Variants in PHACTR1 observed in about 807,000 individuals in gnomAD.
PHACTR1 encodes RPEL repeat containing 1.
Under a neutral mutation model 69.2 loss-of-function variants are expected in PHACTR1, and 16 were observed. The observed-to-expected ratio is 0.23, with a 90% confidence interval of 0.16 to 0.35. PHACTR1 has a LOEUF of 0.35. PHACTR1 is among the 10% of genes least tolerant of loss of function. The pLI is 1.00. For synonymous variants in PHACTR1, 312 were observed against 284.5 expected (o/e 1.10, Z -0.97); for missense variants, 510 against 734.7 (o/e 0.69, Z 3.54).
At chr6:13,034,244 C>T (rs1802937467) in intron 4 of PHACTR1, among the ~76,000 whole-genome samples, 2 of 151,976 alleles carry the variant, frequency 1.3e-5, no homozygotes, top group African/African-American at 4.8e-5. Context: ...ATCTCGATCT[C>T]CTGACCTCGT....
In PHACTR1 at chr6:12,818,119, G is replaced by A. The variant is rs568911740; in HGVS notation, c.250+68329G>A. Among the ~76,000 whole-genome samples the A allele has an allele frequency of 3.7e-3, 556 of 152,210 alleles. 3 individuals carry two copies. The highest frequency in any genetic ancestry group is 0.013 in the African/African-American group (535 of 41,526). On this transcript the variant is annotated intron_variant, in intron 4 of 14. Coordinates refer to ENST00000332995, the MANE Select transcript of PHACTR1 (RefSeq NM_030948.6). The stretch of plus-strand genomic sequence containing the variant: ...ATTACAGGTGTGAGCCACCATCCCC[G>A]GCCTTAAATTGTAATTTTTAGGGGA...
intron 6 of PHACTR1, among the ~76,000 whole-genome samples, chr6:13,174,443 A>G (rs900668947): frequency 3.9e-5 from 6 of 152,256 alleles, no homozygotes; most frequent in Non-Finnish European, 7.3e-5. Context: ...CATTACCAAC[A>G]AAGATGCAGT....
At chr6:12,810,070 CA>C (rs1202909097) in intron 4 of PHACTR1, among the ~76,000 whole-genome samples, 1 of 152,098 alleles carries the variant, frequency 6.6e-6, no homozygotes, top group Non-Finnish European at 1.5e-5. Flanking sequence ...ATTTGCTTCC[CA>C]ACAAGTCTTT....
At chr6:13,129,846 A>G (rs928710875) in intron 5 of PHACTR1, among the ~76,000 whole-genome samples, 2 of 152,146 alleles carry the variant, frequency 1.3e-5, no homozygotes, top group Non-Finnish European at 2.9e-5. Flanking sequence ...CAACAACTGT[A>G]GAATATACAT....
intron 7 of PHACTR1, among the ~76,000 whole-genome samples, chr6:13,195,779 A>AAAAAAAAAAAAAAAAAAAAAAAAAAAAAG (rs201554952): frequency 6.7e-5 from 8 of 118,556 alleles, no homozygotes; most frequent in Non-Finnish European, 1.2e-4. Context: ...AAAAAAAAAA[A>AAAAAAAAAAAAAAAAAAAAAAAAAAAAAG]AGTTCATTTG....
At chr6:12,755,693 T>C (rs1456725018) in intron 4 of PHACTR1, among the ~76,000 whole-genome samples, 1 of 152,172 alleles carries the variant, frequency 6.6e-6, no homozygotes, top group African/African-American at 2.4e-5. Flanking sequence ...AGTAAGATAT[T>C]AAAGAAATTT....
intron 6 of PHACTR1, among the ~76,000 whole-genome samples, chr6:13,181,730 A>G (rs1762201344): frequency 6.6e-6 from 1 of 152,024 alleles, no homozygotes; most frequent in African/African-American, 2.4e-5. Context: ...AGCTGTCCTA[A>G]TAGTTTATCC....
intron 4 of PHACTR1, among the ~76,000 whole-genome samples, chr6:12,820,338 G>A (rs767428130): frequency 7.9e-5 from 12 of 151,904 alleles, no homozygotes; most frequent in African/African-American, 1.7e-4. Context: ...ATGCCACCAC[G>A]TCTGACTAAT....
intron 4 of PHACTR1, among the ~76,000 whole-genome samples, chr6:12,775,240 C>T (rs898483767): frequency 3.3e-5 from 5 of 152,120 alleles, no homozygotes; most frequent in Non-Finnish European, 5.9e-5. Context: ...ACTTGTAACC[C>T]TGTGATAAAT....
At chr6:13,189,999 AAG>A (rs1763305929) in intron 7 of PHACTR1, among the ~76,000 whole-genome samples, 1 of 149,810 alleles carries the variant, frequency 6.7e-6, no homozygotes, top group South Asian at 2.1e-4. Context: ...GGGAGAGAGA[AAG>A]AGATCTCTGA....
At chr6:13,021,746 A>G (rs1801007623) in intron 4 of PHACTR1, among the ~76,000 whole-genome samples, 1 of 152,246 alleles carries the variant, frequency 6.6e-6, no homozygotes, top group Non-Finnish European at 1.5e-5. Flanking sequence ...AAAGAAAGTC[A>G]GAAGGTTCTA....
At chr6:13,036,242 C>A (rs1235168853) in intron 4 of PHACTR1, among the ~76,000 whole-genome samples, 2 of 152,102 alleles carry the variant, frequency 1.3e-5, no homozygotes, top group Non-Finnish European at 2.9e-5. Flanking sequence ...TCTTCCAAAT[C>A]CTATCCCTAT....
At chr6:13,141,058 G>C (rs1822363045) in intron 5 of PHACTR1, among the ~76,000 whole-genome samples, 1 of 152,168 alleles carries the variant, frequency 6.6e-6, no homozygotes, top group South Asian at 2.1e-4. Context: ...GTAACCCAAT[G>C]GTGAGGACCA....
intron 4 of PHACTR1, among the ~76,000 whole-genome samples, chr6:12,781,101 T>C (rs1770764954): frequency 1.3e-5 from 2 of 152,226 alleles, no homozygotes; most frequent in African/African-American, 2.4e-5. Flanking sequence ...CCATTCCCTG[T>C]CACTCCCCAC....
intron 4 of PHACTR1, among the ~76,000 whole-genome samples, chr6:13,047,532 G>A (rs1805270306): frequency 6.6e-6 from 1 of 152,090 alleles, no homozygotes; most frequent in Admixed American, 6.5e-5. Context: ...CAAAAGCGAA[G>A]GTTATCAGAT....
chr6:12,979,654 G>T (rs542391880), intron 4 of PHACTR1, among the ~76,000 whole-genome samples: 2 of 151,038 alleles, frequency 1.3e-5, no homozygotes, highest in Admixed American at 6.6e-5. Context: ...TTAGAGAAAC[G>T]TTCCCTTTCT....
At chr6:13,273,702 A>G (rs987517600) in intron 11 of PHACTR1, 2 of 152,258 alleles carry the variant, frequency 1.3e-5, no homozygotes, top group African/African-American at 4.8e-5. Context: ...TTAAATATCA[A>G]ACCATTCTAT....
chr6:13,190,466 A>G (rs1038427919), intron 7 of PHACTR1, among the ~76,000 whole-genome samples: 1 of 152,094 alleles, frequency 6.6e-6, no homozygotes, highest in African/African-American at 2.4e-5. Context: ...AGATGAATTT[A>G]GGAGGTGGGG....
At chr6:12,942,330 G>A (rs151248186) in intron 4 of PHACTR1, among the ~76,000 whole-genome samples, 24 of 152,268 alleles carry the variant, frequency 1.6e-4, no homozygotes, top group Middle Eastern at 3.4e-3. Flanking sequence ...TCAAGTAGTA[G>A]AAACACAATA....
Sources: gnomAD v4.1 joint callset for allele counts (sites outside exome capture counted in the v4.1 genomes callset) on GRCh38, gnomAD v4.1.1 for gene constraint, MANE v1.5 for transcripts, NCBI Gene and HGNC (gene_info 2026-07-23, HGNC 2026-07-21) for gene names.